The following NDUFAF6 variants were observed in gnomAD, a reference collection of about 807,000 sequenced individuals.
NDUFAF6 encodes NADH dehydrogenase (ubiquinone) complex I, assembly factor 6.
In NDUFAF6, 45 loss-of-function variants were observed where a neutral mutation model predicts 40.8. That is an observed-to-expected ratio of 1.10 (90% CI 0.87 to 1.42). The LOEUF is 1.42. Among genes scored for constraint, NDUFAF6 ranks in the 40% most tolerant of loss-of-function variants. The probability of loss-of-function intolerance (pLI) is 0.00; values close to 1 mark genes in which losing one functional copy is unlikely to be tolerated. For synonymous variants in NDUFAF6, 185 were observed against 155.9 expected, an observed-to-expected ratio of 1.19 and a Z score of -1.39; for missense variants, 435 against 418.5, an observed-to-expected ratio of 1.04 and a Z score of -0.34.
chr8:95,004,567 C>G (rs1009694563), intron 2 of NDUFAF6, among the ~76,000 whole-genome samples: 1 of 152,046 alleles, frequency 6.6e-6, no homozygotes, highest in Non-Finnish European at 1.5e-5. Context: ...CCAGGCTGGT[C>G]TTTCACTCCT....
intron 9 of NDUFAF6, among the ~76,000 whole-genome samples, chr8:95,070,650 C>T (rs75693274): frequency 0.011 from 1,706 of 152,210 alleles, 15 homozygotes; most frequent in Middle Eastern, 0.017. Flanking sequence ...ACATAAAAAT[C>T]CATGAATTCA....
chr8:95,038,369 TTC>T (rs1829750464), intron 3 of NDUFAF6, among the ~76,000 whole-genome samples: 1 of 152,086 alleles, frequency 6.6e-6, no homozygotes, highest in African/African-American at 2.4e-5. Context: ...AGCGAATATT[TTC>T]TTTTTGTTTT....
intron 1 of NDUFAF6, among the ~76,000 whole-genome samples, chr8:95,031,019 A>T (rs559651779): frequency 6.6e-6 from 1 of 152,336 alleles, no homozygotes; most frequent in African/African-American, 2.4e-5. Context: ...CCCCAAGGGG[A>T]TGGCACCAAA....
intron 4 of NDUFAF6, among the ~76,000 whole-genome samples, chr8:95,045,251 C>G (rs937241766): frequency 6.6e-6 from 1 of 151,904 alleles, no homozygotes; most frequent in African/African-American, 2.4e-5. Context: ...TGTAAGAGCT[C>G]AGTAAAGTCA....
intron 2 of NDUFAF6, among the ~76,000 whole-genome samples, chr8:94,993,138 TTTGTCTTCACA>T (rs1826267028): frequency 1.3e-5 from 2 of 152,220 alleles, no homozygotes; most frequent in African/African-American, 4.8e-5. Context: ...CATCCTCTCC[TTTGTCTTCACA>T]TTGTCTTCCC....
intron 2 of NDUFAF6, among the ~76,000 whole-genome samples, chr8:95,003,862 A>G (rs1826844910): frequency 6.6e-6 from 1 of 152,206 alleles, no homozygotes; most frequent in Non-Finnish European, 1.5e-5. Context: ...GGCATTAATT[A>G]CATTCATGCT....
intron 1 of NDUFAF6, among the ~76,000 whole-genome samples, chr8:94,931,605 C>CATATAT (rs141760825): frequency 0.32 from 47,085 of 149,010 alleles, 7,978 homozygotes; most frequent in Non-Finnish European, 0.38. Flanking sequence ...CACACACACA[C>CATATAT]ACACATAAAA....
chr8:94,908,401 A>C (rs569736086), intron 1 of NDUFAF6, among the ~76,000 whole-genome samples: 1 of 152,244 alleles, frequency 6.6e-6, no homozygotes, highest in South Asian at 2.1e-4. Context: ...AGACAGTCTT[A>C]CTCTGTTGCC....
intron 1 of NDUFAF6, among the ~76,000 whole-genome samples, chr8:94,918,140 A>G (rs1819261017): frequency 6.6e-6 from 1 of 152,140 alleles, no homozygotes; most frequent in Admixed American, 6.5e-5. Flanking sequence ...TCAAACTTCT[A>G]AGTGCACCGA....
chr8:95,047,118 T>G lies in NDUFAF6; in HGVS notation c.705T>G (p.Ile235Met). ...SRRKVFLPMD[I>M]CMLHGVSQED... ...GAAAGGTGTTCCTTCCCATGGATAT[T>G]TGTATGCTGGTAAGGCTGTAATTTG... The change falls in exon 6 of 9, where the codon ATT becomes ATG. Residue 235 changes from isoleucine to methionine, a missense_variant. By Grantham distance (10) the Ile-to-Met change is conservative. Coordinates refer to ENST00000396124, the MANE Select transcript of NDUFAF6 (RefSeq NM_152416.4). 1.9e-6 allele frequency: 3 copies of G among 1,614,158 alleles called. No individual in the cohort carries two copies. Among genetic ancestry groups the G allele is most frequent in the Non-Finnish European group, 2.5e-6 (3 of 1,180,018 alleles).
intron 1 of NDUFAF6, among the ~76,000 whole-genome samples, chr8:94,907,361 C>T (rs528888723): frequency 6.6e-6 from 1 of 152,220 alleles, no homozygotes; most frequent in Admixed American, 6.5e-5. Flanking sequence ...CATATGTGAG[C>T]AATAGTTAGA....
At chr8:94,962,086 T>C (rs1024580118) in intron 1 of NDUFAF6, among the ~76,000 whole-genome samples, 4 of 152,208 alleles carry the variant, frequency 2.6e-5, no homozygotes, top group Admixed American at 2.6e-4. Context: ...GCCAATGAGA[T>C]GTCAGCAGAA....
intron 1 of NDUFAF6, among the ~76,000 whole-genome samples, chr8:94,896,872 C>A (rs76563744): frequency 0.021 from 3,202 of 152,300 alleles, 38 homozygotes; most frequent in African/African-American, 0.032. Flanking sequence ...CAAAATAATT[C>A]TCTCCCTAAT....
chr8:94,915,321 C>T (rs964361180), intron 1 of NDUFAF6, among the ~76,000 whole-genome samples: 1 of 152,150 alleles, frequency 6.6e-6, no homozygotes. Flanking sequence ...ACACCTGATA[C>T]TTGGTTTTCT....
intron 1 of NDUFAF6, among the ~76,000 whole-genome samples, chr8:94,967,657 C>T (rs1226113739): frequency 6.6e-6 from 1 of 151,796 alleles, no homozygotes; most frequent in East Asian, 1.9e-4. Context: ...TCAGCCACCG[C>T]ACCACGGGCG....
chr8:95,001,775 T>C (rs1392468501), intron 2 of NDUFAF6, among the ~76,000 whole-genome samples: 1 of 152,060 alleles, frequency 6.6e-6, no homozygotes, highest in Non-Finnish European at 1.5e-5. Context: ...GATACAATCA[T>C]GCATTGGAGG....
intron 1 of NDUFAF6, among the ~76,000 whole-genome samples, chr8:94,909,254 CAGG>C (rs1818579145): frequency 6.9e-6 from 1 of 145,610 alleles, no homozygotes; most frequent in Non-Finnish European, 1.5e-5. Flanking sequence ...GAGGCGGAGG[CAGG>C]AGAATAGCTT....
At chr8:95,010,551 TTCTC>T (rs1411821830) in intron 2 of NDUFAF6, among the ~76,000 whole-genome samples, 3 of 152,238 alleles carry the variant, frequency 2.0e-5, no homozygotes, top group Non-Finnish European at 4.4e-5. Context: ...CCCCCTTTCT[TTCTC>T]TTTAAGAGCA....
chr8:94,963,339 A>C (rs1823755290), intron 1 of NDUFAF6, among the ~76,000 whole-genome samples: 1 of 152,222 alleles, frequency 6.6e-6, no homozygotes, highest in Non-Finnish European at 1.5e-5. Flanking sequence ...CAAGGTGCTC[A>C]TAGTCAGGGT....
Sources: allele counts gnomAD v4.1 joint callset (sites outside exome capture counted in the v4.1 genomes callset), GRCh38; gene constraint gnomAD v4.1.1; transcripts MANE v1.5; gene names NCBI Gene and HGNC (gene_info 2026-07-23, HGNC 2026-07-21).